PHF24: variants seen among roughly 807,000 people sequenced by gnomAD.
The protein encoded by PHF24 is Galpha inhibitory interacting protein.
Under a neutral mutation model 42.6 loss-of-function variants are expected in PHF24, and 25 were observed. That is an observed-to-expected ratio of 0.59 (90% confidence interval 0.43 to 0.82). PHF24 has a LOEUF of 0.82. PHF24 is among the 40% of genes least tolerant of loss of function. The pLI, the probability that PHF24 is intolerant of heterozygous loss-of-function variation, is 0.00. For synonymous variants in PHF24, 185 were observed against 204.8 expected, an observed-to-expected ratio of 0.90 and a Z score of 0.83; for missense variants, 470 against 538.1, an observed-to-expected ratio of 0.87 and a Z score of 1.25.
intron 4 of PHF24, 150 bp downstream of exon 4, chr9:34,976,380 C>T: frequency 1.0e-6 from 1 of 983,018 alleles, no homozygotes; most frequent in Non-Finnish European, 1.6e-6. Flanking sequence ...AGCAGAGTCA[C>T]CTATCCCTGT....
chr9:34,717,536 G>A, the PHF24 span, among the ~76,000 whole-genome samples: 1 of 148,520 alleles, frequency 6.7e-6, no homozygotes, highest in East Asian at 1.9e-4. Context: ...CTGCTGAAGA[G>A]GGCAGTGGAC....
rs1563937335 is a variant in PHF24 at position 34,976,882 on chromosome 9, G to C, written c.849+142G>C. The C allele has an allele frequency of 4.4e-6, 4 of 909,826 alleles. No individual in the cohort carries two copies. The Admixed American group carries it at 1.1e-4, about 24-fold the overall frequency. The allele number at this position is 909,826 out of a possible 1,614,324, so 56.4% of individuals were successfully genotyped here. ...TGGGCTCAGGTTCCATCCAGTGACA[G>C]ATGATCTGGTGCCCAGGCTGAGGAA... is the stretch of plus-strand genomic sequence containing the variant. On this transcript the variant is annotated intron_variant, in intron 5 of 7. Coordinates refer to ENST00000242315, the Ensembl canonical transcript of PHF24.
intron 1 of PHF24, among the ~76,000 whole-genome samples, chr9:34,963,866 G>A (rs1826680830): frequency 6.6e-6 from 1 of 152,100 alleles, no homozygotes; most frequent in African/African-American, 2.4e-5. Context: ...ATTGAGTTTT[G>A]GAGATTTGGT....
At chr9:34,825,281 AGAGGACTCTCTTCCTGACCCT>A in the PHF24 span, among the ~76,000 whole-genome samples, 3,354 of 152,132 alleles carry the variant, frequency 0.022, 45 homozygotes, top group Admixed American at 0.036. Flanking sequence ...AGGCTGCTGA[AGAGGACTCTCTTCCTGACCCT>A]GACGTTCTTT....
At chr9:34,919,957 T>C in the PHF24 span, among the ~76,000 whole-genome samples, 3 of 152,220 alleles carry the variant, frequency 2.0e-5, no homozygotes, top group Non-Finnish European at 4.4e-5. Flanking sequence ...CATCTGTTGG[T>C]GGACACTTAG....
chr9:34,679,647 G>A, the PHF24 span, among the ~76,000 whole-genome samples: 188 of 152,290 alleles, frequency 1.2e-3, no homozygotes, highest in African/African-American at 4.4e-3. Context: ...CCCAGGAGGC[G>A]GAGGTTGCAG....
chr9:34,892,213 C>G, the PHF24 span, among the ~76,000 whole-genome samples: 1 of 152,162 alleles, frequency 6.6e-6, no homozygotes, highest in Admixed American at 6.5e-5. Flanking sequence ...GAGCTAGAAC[C>G]ATGGGGTTTG....
the PHF24 span, chr9:34,665,933 G>A: frequency 1.8e-6 from 1 of 542,172 alleles, no homozygotes; most frequent in Non-Finnish European, 3.3e-6. Context: ...CATGGGGCTG[G>A]GAGATTTGGG....
exon 5 of PHF24, chr9:34,976,701 C>A (rs1242225021): frequency 1.2e-6 from 2 of 1,613,976 alleles, no homozygotes; most frequent in African/African-American, 2.7e-5. Context: ...ACTTCTTGTC[C>A]CATGAGTCCC....
At chr9:34,964,889 C>T (rs940144181) in intron 1 of PHF24, among the ~76,000 whole-genome samples, 3 of 152,148 alleles carry the variant, frequency 2.0e-5, no homozygotes, top group Admixed American at 1.3e-4. Context: ...CCCTAGATAC[C>T]ACAAATTCCC....
At chr9:34,838,602 G>A in the PHF24 span, 1,002 of 679,256 alleles carry the variant, frequency 1.5e-3, 3 homozygotes, top group Middle Eastern at 3.0e-3. Context: ...CCTCACAGAG[G>A]ACGGAACTAG....
chr9:34,729,641 G>A, the PHF24 span, among the ~76,000 whole-genome samples: 1 of 152,170 alleles, frequency 6.6e-6, no homozygotes, highest in Admixed American at 6.5e-5. Flanking sequence ...AGGGTGTTTT[G>A]AGCCTGGGAC....
At chr9:34,756,318 C>T in the PHF24 span, among the ~76,000 whole-genome samples, 2 of 152,174 alleles carry the variant, frequency 1.3e-5, no homozygotes, top group Non-Finnish European at 2.9e-5. Context: ...AGGCTGGTCC[C>T]GAACTCCCGA....
the PHF24 span, among the ~76,000 whole-genome samples, chr9:34,710,466 CTTTT>C: frequency 2.6e-5 from 3 of 117,420 alleles, no homozygotes; most frequent in Non-Finnish European, 1.7e-5. Flanking sequence ...TGTAAGAGTT[CTTTT>C]TTTTTTTTTT....
the PHF24 span, among the ~76,000 whole-genome samples, chr9:34,719,745 C>T: frequency 6.6e-6 from 1 of 152,336 alleles, no homozygotes; most frequent in African/African-American, 2.4e-5. Context: ...AGTCAATTCC[C>T]TTCATTCTGG....
chr9:34,940,795 A>C, the PHF24 span, among the ~76,000 whole-genome samples: 1 of 152,202 alleles, frequency 6.6e-6, no homozygotes, highest in African/African-American at 2.4e-5. Context: ...TGTGTCACTT[A>C]GATTTCACAC....
the PHF24 span, chr9:34,922,238 C>T: frequency 6.3e-7 from 1 of 1,592,642 alleles, no homozygotes; most frequent in African/African-American, 1.3e-5. Flanking sequence ...TATCCGATGT[C>T]CACAATGTCA....
the PHF24 span, among the ~76,000 whole-genome samples, chr9:34,939,794 C>T: frequency 6.6e-6 from 1 of 152,134 alleles, no homozygotes; most frequent in African/African-American, 2.4e-5. Context: ...TCCCACAGAC[C>T]CTTCTTCCTA....
At chr9:34,908,516 A>G in the PHF24 span, among the ~76,000 whole-genome samples, 3 of 152,358 alleles carry the variant, frequency 2.0e-5, no homozygotes, top group South Asian at 6.2e-4. Flanking sequence ...TCAAGAGTAT[A>G]AACAAGATTT....
Sources: allele counts gnomAD v4.1 joint callset (sites outside exome capture counted in the v4.1 genomes callset), GRCh38; gene constraint gnomAD v4.1.1; transcripts MANE v1.5; gene names NCBI Gene and HGNC (gene_info 2026-07-23, HGNC 2026-07-21).